Variants in EPHB1 observed in about 807,000 individuals in gnomAD.
EPHB1 encodes ephrin type-B receptor 1.
Under a neutral mutation model 94.4 loss-of-function variants are expected in EPHB1, and 30 were observed. The observed-to-expected ratio is 0.32, with a 90% confidence interval of 0.24 to 0.43. The LOEUF is 0.43. EPHB1 is among the 20% of genes least tolerant of loss of function. The pLI, the probability that EPHB1 is intolerant of heterozygous loss-of-function variation, is 1.00. For synonymous variants in EPHB1, 522 were observed against 489.1 expected (o/e 1.07, Z -0.89); for missense variants, 1,055 against 1,308.3 (o/e 0.81, Z 2.99).
At chr3:134,945,176 T>G (rs1447979810) in intron 2 of EPHB1, among the ~76,000 whole-genome samples, 1 of 152,206 alleles carries the variant, frequency 6.6e-6, no homozygotes, top group African/African-American at 2.4e-5. Context: ...ACAAATACTT[T>G]TTTTCTATCA....
chr3:135,066,858 A>G (rs1420715186), intron 3 of EPHB1, among the ~76,000 whole-genome samples: 1 of 152,162 alleles, frequency 6.6e-6, no homozygotes, highest in Non-Finnish European at 1.5e-5. Flanking sequence ...GCTGTTATTC[A>G]GATTCTTTTG....
At chr3:135,178,230 G>GT (rs1553744914) in intron 9 of EPHB1, among the ~76,000 whole-genome samples, 2 of 147,854 alleles carry the variant, frequency 1.4e-5, no homozygotes, top group Non-Finnish European at 3.0e-5. Flanking sequence ...GGGGAGGGGG[G>GT]GTGGATCATG....
intron 12 of EPHB1, among the ~76,000 whole-genome samples, chr3:135,214,627 C>T (rs1943102757): frequency 6.6e-6 from 1 of 152,180 alleles, no homozygotes; most frequent in Admixed American, 6.5e-5. Context: ...CCACCACCAA[C>T]CCCACACACA....
intron 1 of EPHB1, among the ~76,000 whole-genome samples, chr3:134,878,534 C>A (rs762741472): frequency 6.6e-6 from 1 of 152,208 alleles, no homozygotes; most frequent in Non-Finnish European, 1.5e-5. Flanking sequence ...GAGGACTGGG[C>A]TCCTGGGGAC....
intron 12 of EPHB1, among the ~76,000 whole-genome samples, chr3:135,236,548 A>G (rs1456508997): frequency 1.3e-5 from 2 of 152,196 alleles, no homozygotes; most frequent in South Asian, 2.1e-4. Flanking sequence ...TTAAATTTCT[A>G]TCGTGTTGGA....
At chr3:134,846,487 C>T (rs577971994) in intron 1 of EPHB1, among the ~76,000 whole-genome samples, 3 of 152,260 alleles carry the variant, frequency 2.0e-5, no homozygotes, top group African/African-American at 7.2e-5. Context: ...CTTTGCTTGC[C>T]CTGGGAATTT....
At position 135,245,520 on chromosome 3, in the gene EPHB1, A is replaced by C. The variant is rs1317280350; in HGVS notation, c.2497-2796A>C. ...AAATACCAGAACAGTCTTCAAAAAAAAAAAAAAAAAAAAAAATCGGCCCGT... is the reference window on the plus strand; with the variant it reads ...AAATACCAGAACAGTCTTCAAAAAACAAAAAAAAAAAAAAAATCGGCCCGT... On this transcript the variant is annotated intron_variant, in intron 13 of 15. Transcript: ENST00000398015. Among the ~76,000 whole-genome samples the C allele has an allele frequency of 7.6e-3, 219 of 28,920 alleles. 2 individuals are homozygous for C. Among genetic ancestry groups the C allele is most frequent in the African/African-American group, 0.014 (212 of 14,966 alleles). 19.0% of individuals were successfully genotyped at this position (28,920 alleles called of 152,430 possible).
At chr3:134,958,398 T>G (rs1933362173) in intron 3 of EPHB1, among the ~76,000 whole-genome samples, 1 of 146,208 alleles carries the variant, frequency 6.8e-6, no homozygotes, top group Non-Finnish European at 1.5e-5. Flanking sequence ...AAAGAGAAGG[T>G]GAGGAACACA....
chr3:134,796,077 T>C (rs1420529109), intron 1 of EPHB1: 7 of 286,468 alleles, frequency 2.4e-5, no homozygotes, highest in Non-Finnish European at 4.6e-5. Context: ...ATCCGGCTCC[T>C]GGAGTACTGG....
intron 3 of EPHB1, among the ~76,000 whole-genome samples, chr3:135,087,227 A>G (rs1938391317): frequency 6.6e-6 from 1 of 152,070 alleles, no homozygotes; most frequent in Non-Finnish European, 1.5e-5. Context: ...TTTAGCCCCC[A>G]CTGATGAATT....
intron 3 of EPHB1, among the ~76,000 whole-genome samples, chr3:135,029,759 G>C (rs1348766645): frequency 1.3e-5 from 2 of 151,844 alleles, no homozygotes; most frequent in Non-Finnish European, 2.9e-5. Flanking sequence ...TCCTGAATCT[G>C]AACGTTGGCC....
chr3:134,898,866 TG>T (rs1186171586), intron 1 of EPHB1, among the ~76,000 whole-genome samples: 1 of 152,134 alleles, frequency 6.6e-6, no homozygotes, highest in Non-Finnish European at 1.5e-5. Context: ...TGTGCAGTGC[TG>T]GGTGTGCTGT....
chr3:135,103,727 G>T (rs764137708), intron 3 of EPHB1, among the ~76,000 whole-genome samples: 2 of 152,138 alleles, frequency 1.3e-5, no homozygotes, highest in African/African-American at 4.8e-5. Flanking sequence ...CCAAATGCTT[G>T]TTTCTCCGGG....
chr3:135,191,282 G>T (rs961733470), intron 10 of EPHB1, among the ~76,000 whole-genome samples: 14 of 152,128 alleles, frequency 9.2e-5, no homozygotes, highest in Non-Finnish European at 1.6e-4. Flanking sequence ...CCAGCCCCAG[G>T]TTCTATCAAG....
chr3:135,245,369 T>TATC (rs950115297), intron 13 of EPHB1, among the ~76,000 whole-genome samples: 2 of 152,146 alleles, frequency 1.3e-5, no homozygotes, highest in African/African-American at 4.8e-5. Flanking sequence ...TATGTAGTAC[T>TATC]ATCACCAACA....
At chr3:135,254,863 G>A (rs1391999703) in intron 15 of EPHB1, among the ~76,000 whole-genome samples, 2 of 152,120 alleles carry the variant, frequency 1.3e-5, no homozygotes, top group African/African-American at 2.4e-5. Flanking sequence ...TTTTTGGTTG[G>A]TAAGCTATTG....
At chr3:134,824,540 T>A (rs1244561873) in intron 1 of EPHB1, among the ~76,000 whole-genome samples, 1 of 152,196 alleles carries the variant, frequency 6.6e-6, no homozygotes, top group East Asian at 1.9e-4. Flanking sequence ...TTATCTCCCA[T>A]CCAACAAGCT....
chr3:134,882,099 A>G (rs2037743377), intron 1 of EPHB1, among the ~76,000 whole-genome samples: 1 of 152,224 alleles, frequency 6.6e-6, no homozygotes, highest in Non-Finnish European at 1.5e-5. Flanking sequence ...ATAATTAGAA[A>G]AGAAAATGGA....
At chr3:135,229,053 A>G (rs918277528) in intron 12 of EPHB1, among the ~76,000 whole-genome samples, 1 of 152,164 alleles carries the variant, frequency 6.6e-6, no homozygotes, top group Non-Finnish European at 1.5e-5. Context: ...TTTCATCCCC[A>G]GTATAGAAGA....
Sources: gnomAD v4.1 joint callset for allele counts (sites outside exome capture counted in the v4.1 genomes callset) on GRCh38, gnomAD v4.1.1 for gene constraint, MANE v1.5 for transcripts, NCBI Gene and HGNC (gene_info 2026-07-23, HGNC 2026-07-21) for gene names.